The following FREM1 variants were observed in gnomAD, a reference collection of about 807,000 sequenced individuals.
The protein encoded by FREM1 is FRAS1 related extracellular matrix 1.
Under a neutral mutation model 210.1 loss-of-function variants are expected in FREM1, and 220 were observed. The observed-to-expected ratio is 1.05, with a 90% CI of 0.94 to 1.17. The LOEUF is 1.17. FREM1 is among the 50% of genes most tolerant of loss of function. The probability of loss-of-function intolerance (pLI) is 0.00; values close to 1 mark genes in which losing one functional copy is unlikely to be tolerated. For missense variants in FREM1, 3,454 were observed against 2,675.5 expected (o/e 1.29, Z -6.42); for synonymous variants, 1,189 against 980.2 (o/e 1.21, Z -3.98).
intron 17 of FREM1, among the ~76,000 whole-genome samples, chr9:14,807,674 G>GACACACACAC (rs34499233): frequency 6.7e-6 from 1 of 149,626 alleles, no homozygotes; most frequent in Non-Finnish European, 1.5e-5. Flanking sequence ...CACACACAAA[G>GACACACACAC]ACACACACAC....
At chr9:14,909,437 T>C (rs1421803055) in intron 1 of FREM1, among the ~76,000 whole-genome samples, 1 of 152,208 alleles carries the variant, frequency 6.6e-6, no homozygotes, top group Non-Finnish European at 1.5e-5. Flanking sequence ...ACAGAAATCA[T>C]GTTTTTGAAA....
At chr9:14,822,829 G>A (rs569444588) in intron 13 of FREM1, among the ~76,000 whole-genome samples, 1 of 152,216 alleles carries the variant, frequency 6.6e-6, no homozygotes, top group South Asian at 2.1e-4. Flanking sequence ...CCCTTCCAGT[G>A]GCTAAGAGAC....
chr9:14,903,843 C>T (rs1036861467), intron 1 of FREM1, among the ~76,000 whole-genome samples: 2 of 152,026 alleles, frequency 1.3e-5, no homozygotes, highest in Non-Finnish European at 2.9e-5. Context: ...CATTTCTGGC[C>T]GGGTGCGGTG....
intron 14 of FREM1, among the ~76,000 whole-genome samples, chr9:14,818,288 A>G (rs1422678590): frequency 6.6e-6 from 1 of 152,236 alleles, no homozygotes; most frequent in Non-Finnish European, 1.5e-5. Context: ...CTGAAATCTC[A>G]AAAAACATTT....
Position 14,769,858 on chromosome 9 carries a change from G to A in FREM1, c.5070C>T (p.Ile1690=), listed in dbSNP as rs374746860. The change falls in exon 27 of 37, where the codon ATC becomes ATT. Residue 1690 remains isoleucine, a synonymous_variant. Coordinates refer to ENST00000380880, the MANE Select transcript of FREM1 (RefSeq NM_001379081.2). ...HLENTTTGEF[I]HEKFSQKDLN... is the part of the protein sequence containing the mutation. ...AGTCCTTTTGGCTAAATTTCTCATG[G>A]ATAAATTCACCTAAAAAAAGAAATA... 3.3e-6 allele frequency: 5 copies of A among 1,496,346 alleles called. No individual in the cohort carries two copies. Among genetic ancestry groups the A allele is most frequent in the Non-Finnish European group, 4.5e-6 (5 of 1,100,696 alleles). The allele number at this position is 1,496,346 out of a possible 1,614,324, so 92.7% of individuals were successfully genotyped here. A position where few individuals can be genotyped will look rare whatever the true frequency, so the allele number is the denominator to read the frequency against.
In FREM1 at chr9:14,819,532, T is replaced by A. The variant is rs1321154378; in HGVS notation, c.2338-90A>T. 5 of 697,846 alleles carry A rather than the reference T, an allele frequency of 7.2e-6. No homozygotes were observed. The East Asian group carries it at 1.4e-4, about 19-fold the overall frequency. 43.2% of individuals were successfully genotyped at this position (697,846 alleles called of 1,614,324 possible). A position where few individuals can be genotyped will look rare whatever the true frequency, so the allele number is the denominator to read the frequency against. On this transcript the variant is annotated intron_variant, in intron 13 of 36. Transcript: ENST00000380880. ...TTACATCACTGTAAAACTTCCAGTA[T>A]TATCTTCACATGCAAACTAATTTTT...
chr9:14,774,137 G>C, intron 25 of FREM1: 1 of 518,896 alleles, frequency 1.9e-6, no homozygotes. Context: ...TGGACCTCCT[G>C]ACTGCCAAGG....
chr9:14,872,431 C>A (rs199980275), intron 1 of FREM1, among the ~76,000 whole-genome samples: 2 of 152,192 alleles, frequency 1.3e-5, no homozygotes, highest in East Asian at 3.9e-4. Flanking sequence ...TTTGAAGCAA[C>A]TGTGAATGGG....
intron 3 of FREM1, among the ~76,000 whole-genome samples, chr9:14,860,038 C>A (rs1377429116): frequency 6.6e-6 from 1 of 152,042 alleles, no homozygotes; most frequent in African/African-American, 2.4e-5. Flanking sequence ...TTTGAAGAGT[C>A]TAAAATAGAG....
intron 24 of FREM1, 52 bp from the exon 25 acceptor site, chr9:14,776,255 T>A (rs770809213): frequency 4.7e-5 from 71 of 1,494,970 alleles, no homozygotes; most frequent in Admixed American, 9.5e-5. Flanking sequence ...TGTCACCATC[T>A]ACTGGAATGA....
At chr9:14,898,345 T>C (rs1286553233) in intron 1 of FREM1, among the ~76,000 whole-genome samples, 2 of 152,262 alleles carry the variant, frequency 1.3e-5, no homozygotes, top group African/African-American at 4.8e-5. Flanking sequence ...GTTCCCTTCC[T>C]GCCCCTTTCT....
chr9:14,857,764 A>C lies in FREM1; in HGVS notation c.632-15T>G, dbSNP rs1193573365. On this transcript the variant is annotated splice_polypyrimidine_tract_variant and intron_variant, in intron 4 of 36. Coordinates refer to ENST00000380880, the MANE Select transcript of FREM1 (RefSeq NM_001379081.2). ...TGCTCTCAGTTCTAGAATGTACAGC[A>C]CTGGATTAAGAGAGTCACTTAAACA... 6.4e-7 allele frequency: 1 copy of C among 1,562,790 alleles called. No homozygotes were observed. The highest frequency in any genetic ancestry group is 1.4e-5 in the African/African-American group (1 of 72,834).
chr9:14,883,383 T>C (rs1295005431), intron 1 of FREM1, among the ~76,000 whole-genome samples: 1 of 152,120 alleles, frequency 6.6e-6, no homozygotes, highest in Non-Finnish European at 1.5e-5. Flanking sequence ...AAAAAGGGTA[T>C]GCTTTGTTTG....
rs764691131 is a variant in FREM1 at position 14,819,412 on chromosome 9, C to T, written c.2368G>A (p.Gly790Arg). 6 of 1,612,808 alleles carry T rather than the reference C, an allele frequency of 3.7e-6. No individual in the cohort carries two copies. The highest frequency in any genetic ancestry group is 1.3e-5 in the African/African-American group (1 of 74,864). ...AFTNPLKVTE[G>R]GQSIISTEHI... ...TCTGTGCTGATGATGCTTTGACCTC[C>T]CTCAGTCACTTTCAGAGGGTTGGTG... Residue 790 changes from glycine (G) to arginine (R), a missense_variant, in exon 14 of 37, where the codon GGA becomes AGA. Transcript: ENST00000380880.
At chr9:14,744,200 C>G (rs1842033427) in intron 35 of FREM1, among the ~76,000 whole-genome samples, 1 of 152,048 alleles carries the variant, frequency 6.6e-6, no homozygotes, top group Admixed American at 6.6e-5. Context: ...GGTGGTTTAA[C>G]TAGTTTTTGA....
chr9:14,905,335 C>T (rs746739681), intron 1 of FREM1, among the ~76,000 whole-genome samples: 11 of 152,142 alleles, frequency 7.2e-5, no homozygotes, highest in Non-Finnish European at 1.3e-4. Flanking sequence ...GGTGATGGTT[C>T]GCAGGCTCAC....
intron 3 of FREM1, among the ~76,000 whole-genome samples, chr9:14,861,332 T>C (rs1286143527): frequency 2.4e-5 from 3 of 125,954 alleles, no homozygotes; most frequent in African/African-American, 3.5e-5. Flanking sequence ...CATATATACA[T>C]ATATACACAT....
chr9:14,902,143 G>A (rs1838898425), intron 1 of FREM1, among the ~76,000 whole-genome samples: 1 of 152,200 alleles, frequency 6.6e-6, no homozygotes, highest in Admixed American at 6.5e-5. Flanking sequence ...ACCACACTTG[G>A]CTGTTGTTAA....
At chr9:14,818,777 T>G (rs1435426139) in intron 14 of FREM1, among the ~76,000 whole-genome samples, 1 of 152,194 alleles carries the variant, frequency 6.6e-6, no homozygotes, top group Non-Finnish European at 1.5e-5. Flanking sequence ...TGCAGATCCC[T>G]GCCCTAGTAG....
Sources: gnomAD v4.1 joint callset for allele counts (sites outside exome capture counted in the v4.1 genomes callset) on GRCh38, gnomAD v4.1.1 for gene constraint, MANE v1.5 for transcripts, NCBI Gene and HGNC (gene_info 2026-07-23, HGNC 2026-07-21) for gene names.